SBF2: variants seen among roughly 807,000 people sequenced by gnomAD.
SBF2 encodes the protein SET binding factor 2.
In SBF2, 112 loss-of-function variants were observed where a neutral mutation model predicts 225.2. The ratio of observed to expected loss-of-function variants is 0.50; its 90% confidence interval spans 0.43 to 0.58. The LOEUF (loss-of-function observed/expected upper bound fraction) is 0.58. SBF2 is among the 20% of genes least tolerant of loss of function. The pLI is 0.00. For synonymous variants in SBF2, 763 were observed against 773.3 expected, an observed-to-expected ratio of 0.99 and a Z score of 0.22; for missense variants, 1,996 against 2,206.2, an observed-to-expected ratio of 0.90 and a Z score of 1.91.
At chr11:10,037,790 A>T (rs1345436318) in intron 3 of SBF2, among the ~76,000 whole-genome samples, 2 of 151,958 alleles carry the variant, frequency 1.3e-5, no homozygotes, top group Non-Finnish European at 2.9e-5. Context: ...GGAGTACCAA[A>T]AATGATTGGG....
chr11:9,946,126 T>C (rs914331820), intron 16 of SBF2, among the ~76,000 whole-genome samples: 3 of 152,162 alleles, frequency 2.0e-5, no homozygotes, highest in Non-Finnish European at 4.4e-5. Context: ...AAAAGACAAG[T>C]ATACCTGTAT....
intron 16 of SBF2, among the ~76,000 whole-genome samples, chr11:9,896,566 C>A (rs1244977977): frequency 6.6e-6 from 1 of 152,012 alleles, no homozygotes; most frequent in African/African-American, 2.4e-5. Context: ...CTGAGGCGGG[C>A]AGATCACCTG....
chr11:10,266,658 T>C lies in SBF2; in HGVS notation c.55+27357A>G, dbSNP rs115096591. ...AAAGAGATGTCTACACTTGATTAGT[T>C]ATTTCCTAACAGCTATGATGATGAT... On this transcript the variant is annotated intron_variant, in intron 1 of 39. Coordinates refer to ENST00000256190, the MANE Select transcript of SBF2 (RefSeq NM_030962.4). 1.4e-3 allele frequency among the ~76,000 whole-genome samples: 215 copies of C among 152,342 alleles called. 1 individual carries two copies. Among genetic ancestry groups the C allele is most frequent in the African/African-American group, 5.0e-3 (209 of 41,572 alleles).
chr11:10,022,375 C>T (rs1185957637), intron 6 of SBF2, among the ~76,000 whole-genome samples: 2 of 151,894 alleles, frequency 1.3e-5, no homozygotes, highest in Non-Finnish European at 2.9e-5. Flanking sequence ...CTGTATTTTG[C>T]TTAAATACAT....
At chr11:9,781,349 A>G (rs1231134565) in intron 39 of SBF2, among the ~76,000 whole-genome samples, 158 bp downstream of exon 39, 2 of 152,236 alleles carry the variant, frequency 1.3e-5, no homozygotes, top group Non-Finnish European at 2.9e-5. Flanking sequence ...TTGGGGGTCA[A>G]TAATGCTGAG....
intron 17 of SBF2, among the ~76,000 whole-genome samples, chr11:9,861,663 CAAA>C (rs1193095357): frequency 7.2e-5 from 6 of 83,420 alleles, no homozygotes; most frequent in Admixed American, 1.3e-4. Flanking sequence ...GACTCCATCT[CAAA>C]AAAAAAAAAA....
At chr11:10,071,707 G>T (rs1423584129) in intron 2 of SBF2, among the ~76,000 whole-genome samples, 1 of 152,154 alleles carries the variant, frequency 6.6e-6, no homozygotes, top group Non-Finnish European at 1.5e-5. Flanking sequence ...TAGCATGAAG[G>T]GCTGTTGAAT....
At chr11:9,882,047 A>G (rs1859809790) in intron 17 of SBF2, among the ~76,000 whole-genome samples, 1 of 152,214 alleles carries the variant, frequency 6.6e-6, no homozygotes, top group South Asian at 2.1e-4. Flanking sequence ...TTGTAACACC[A>G]CAGATCTTTA....
At chr11:10,011,883 G>T (rs1392362383) in intron 6 of SBF2, among the ~76,000 whole-genome samples, 1 of 152,096 alleles carries the variant, frequency 6.6e-6, no homozygotes, top group Non-Finnish European at 1.5e-5. Flanking sequence ...ACAGGTTAAT[G>T]ATTTCAACAA....
intron 1 of SBF2, among the ~76,000 whole-genome samples, chr11:10,258,894 G>A (rs547770577): frequency 1.3e-5 from 2 of 152,274 alleles, no homozygotes; most frequent in South Asian, 2.1e-4. Flanking sequence ...TCACAAAGGA[G>A]TAAGAAACTA....
chr11:10,187,292 C>G (rs1480483496), intron 2 of SBF2, among the ~76,000 whole-genome samples: 3 of 151,326 alleles, frequency 2.0e-5, no homozygotes, highest in Non-Finnish European at 2.9e-5. Flanking sequence ...CTCTCTCTCT[C>G]TCTCCTTTTT....
At position 10,213,636 on chromosome 11, in the gene SBF2, C is replaced by T. The variant is rs180719208; in HGVS notation, c.56-19649G>A. On this transcript the variant is annotated intron_variant, in intron 1 of 39. Coordinates refer to ENST00000256190, the MANE Select transcript of SBF2 (RefSeq NM_030962.4). ...CTTGAACTTCCTGGGATCTGACTCT[C>T]GCTATTGGTCTAGAGGCCAAAAGGT... Among the ~76,000 whole-genome samples, 9 of 152,278 alleles carry T rather than the reference C, an allele frequency of 5.9e-5. No homozygotes were observed. The East Asian group carries it at 1.5e-3, about 26-fold the overall frequency.
intron 6 of SBF2, among the ~76,000 whole-genome samples, chr11:10,012,448 A>G (rs1428648112): frequency 1.3e-5 from 2 of 152,144 alleles, no homozygotes; most frequent in Non-Finnish European, 2.9e-5. Flanking sequence ...GGCCTGTTTC[A>G]GTTATCATAC....
At chr11:10,106,632 TAAAAAA>T (rs34207805) in intron 2 of SBF2, among the ~76,000 whole-genome samples, 1 of 126,874 alleles carries the variant, frequency 7.9e-6, no homozygotes, top group African/African-American at 3.0e-5. Flanking sequence ...CCGACTCAAT[TAAAAAA>T]AAAAAAAAAA....
chr11:9,805,887 C>T (rs1853810624), intron 32 of SBF2, among the ~76,000 whole-genome samples: 1 of 152,194 alleles, frequency 6.6e-6, no homozygotes, highest in African/African-American at 2.4e-5. Context: ...TCCCAAAGTG[C>T]TGGGATTACA....
intron 6 of SBF2, among the ~76,000 whole-genome samples, chr11:10,004,586 A>ACAAAAC (rs1413257536): frequency 6.7e-6 from 1 of 148,780 alleles, no homozygotes; most frequent in Non-Finnish European, 1.5e-5. Context: ...AAAAAAAAAA[A>ACAAAAC]AAAAAAAAAC....
At chr11:9,796,446 C>A (rs1196064906) in intron 32 of SBF2, among the ~76,000 whole-genome samples, 1 of 152,058 alleles carries the variant, frequency 6.6e-6, no homozygotes, top group Non-Finnish European at 1.5e-5. Context: ...GTGTGACATA[C>A]AACAAGAAAA....
chr11:9,885,938 C>T (rs1306477955), intron 17 of SBF2, among the ~76,000 whole-genome samples: 1 of 152,110 alleles, frequency 6.6e-6, no homozygotes, highest in Non-Finnish European at 1.5e-5. Flanking sequence ...TGCGTTCTCC[C>T]TTCAGTACGA....
chr11:9,941,886 T>C (rs1178060238), intron 16 of SBF2, among the ~76,000 whole-genome samples: 1 of 152,114 alleles, frequency 6.6e-6, no homozygotes, highest in Non-Finnish European at 1.5e-5. Context: ...GAAAAGAATA[T>C]GTGGCAAATT....
Sources: gnomAD v4.1 joint callset for allele counts (sites outside exome capture counted in the v4.1 genomes callset) on GRCh38, gnomAD v4.1.1 for gene constraint, MANE v1.5 for transcripts, NCBI Gene and HGNC (gene_info 2026-07-23, HGNC 2026-07-21) for gene names.